KIAA1217: variants seen among roughly 807,000 people sequenced by gnomAD.
KIAA1217 encodes the protein KIAA1217.
Under a neutral mutation model 163.9 loss-of-function variants are expected in KIAA1217, and 88 were observed. The observed-to-expected ratio is 0.54, with a 90% confidence interval of 0.45 to 0.64. The LOEUF is 0.64. KIAA1217 is among the 30% of genes least tolerant of loss of function. KIAA1217 has a pLI of 0.00. For synonymous variants in KIAA1217, 903 were observed against 923.1 expected (o/e 0.98, Z 0.39); for missense variants, 2,372 against 2,475.0 (o/e 0.96, Z 0.88).
intron 1 of KIAA1217, among the ~76,000 whole-genome samples, chr10:23,886,662 T>C (rs1841188950): frequency 6.6e-6 from 1 of 151,988 alleles, no homozygotes; most frequent in African/African-American, 2.4e-5. Context: ...CAGGTTGAGG[T>C]TGATTTTTGC....
At chr10:23,943,582 A>G (rs1262560631) in intron 1 of KIAA1217, among the ~76,000 whole-genome samples, 2 of 152,236 alleles carry the variant, frequency 1.3e-5, no homozygotes, top group Non-Finnish European at 2.9e-5. Context: ...TTTGATTGAA[A>G]CTGCAACAGG....
intron 1 of KIAA1217, among the ~76,000 whole-genome samples, chr10:23,751,784 G>C (rs773821428): frequency 1.3e-5 from 2 of 152,136 alleles, no homozygotes; most frequent in Non-Finnish European, 2.9e-5. Context: ...GGGGCTTCTT[G>C]TGAGATTATC....
chr10:24,456,443 A>G (rs115538234), intron 5 of KIAA1217, among the ~76,000 whole-genome samples: 1,835 of 152,286 alleles, frequency 0.012, 37 homozygotes, highest in African/African-American at 0.042. Context: ...TGACACAACA[A>G]TGATGGAACT....
intron 1 of KIAA1217, among the ~76,000 whole-genome samples, chr10:23,946,186 T>A (rs773297543): frequency 6.6e-6 from 1 of 151,638 alleles, no homozygotes; most frequent in Non-Finnish European, 1.5e-5. Context: ...CACTTTCTTC[T>A]GGCAGCTTCC....
At chr10:24,391,996 G>C (rs1057501633) in intron 3 of KIAA1217, among the ~76,000 whole-genome samples, 8 of 152,154 alleles carry the variant, frequency 5.3e-5, no homozygotes, top group African/African-American at 1.9e-4. Context: ...TTTTATCTAT[G>C]ATTTATACCT....
chr10:24,435,748 A>C (rs1330633754), intron 4 of KIAA1217, among the ~76,000 whole-genome samples: 4 of 152,226 alleles, frequency 2.6e-5, no homozygotes, highest in Non-Finnish European at 4.4e-5. Flanking sequence ...AGAAAAGGTC[A>C]TGATTCTCCT....
At chr10:23,741,475 T>G (rs1645608531) in intron 1 of KIAA1217, among the ~76,000 whole-genome samples, 1 of 152,194 alleles carries the variant, frequency 6.6e-6, no homozygotes, top group Admixed American at 6.5e-5. Flanking sequence ...ATCCTTCAGG[T>G]CAAGGCAAGG....
At chr10:24,009,922 G>T (rs559846611) in intron 2 of KIAA1217, among the ~76,000 whole-genome samples, 28 of 152,122 alleles carry the variant, frequency 1.8e-4, no homozygotes, top group African/African-American at 6.5e-4. Flanking sequence ...ATCTGTATGG[G>T]GGCTCTGTCC....
chr10:24,363,903 A>G (rs891271774), intron 2 of KIAA1217, among the ~76,000 whole-genome samples: 16 of 151,202 alleles, frequency 1.1e-4, no homozygotes, highest in African/African-American at 3.9e-4. Context: ...ACCTCTTTAT[A>G]TGTGATAAAC....
intron 2 of KIAA1217, among the ~76,000 whole-genome samples, chr10:24,360,486 G>A (rs220348): frequency 0.25 from 37,285 of 151,994 alleles, 4,741 homozygotes; most frequent in South Asian, 0.36. Flanking sequence ...CCCTTCTATC[G>A]TGGGCTTTAA....
intron 1 of KIAA1217, among the ~76,000 whole-genome samples, chr10:23,848,852 T>C (rs965195498): frequency 2.0e-5 from 3 of 152,132 alleles, no homozygotes; most frequent in African/African-American, 7.2e-5. Flanking sequence ...AATAAAATGT[T>C]GACATTGTGA....
At chr10:24,406,467 G>T (rs945508096) in intron 3 of KIAA1217, among the ~76,000 whole-genome samples, 2 of 151,930 alleles carry the variant, frequency 1.3e-5, no homozygotes, top group Non-Finnish European at 2.9e-5. Context: ...AGAAAAAGGT[G>T]CTAGGGCTTA....
In KIAA1217 at chr10:24,110,503, C is replaced by T. The variant is rs571209268; in HGVS notation, c.-171+103129C>T. Among the ~76,000 whole-genome samples, 32 of 151,250 alleles carry T rather than the reference C, an allele frequency of 2.1e-4. No individual in the cohort carries two copies. The South Asian group carries it at 6.7e-3, about 32-fold the overall frequency. On this transcript the variant is annotated intron_variant, in intron 2 of 18. Transcript: ENST00000376462. ...ATGAAATGTTGCAGTTATGTGGCTACAGAAGAAAAATGTATTCAGATTAAG... is the reference window on the plus strand; with the variant it reads ...ATGAAATGTTGCAGTTATGTGGCTATAGAAGAAAAATGTATTCAGATTAAG...
intron 1 of KIAA1217, among the ~76,000 whole-genome samples, chr10:23,950,741 G>C (rs1287730692): frequency 6.6e-6 from 1 of 152,068 alleles, no homozygotes; most frequent in Non-Finnish European, 1.5e-5. Context: ...TGACATTAGA[G>C]ACGGTTTATC....
At chr10:24,231,406 C>T (rs557045996) in intron 2 of KIAA1217, among the ~76,000 whole-genome samples, 9 of 152,324 alleles carry the variant, frequency 5.9e-5, no homozygotes, top group Admixed American at 5.9e-4. Flanking sequence ...ATTTTCAGAG[C>T]AAGCACTGCA....
chr10:24,053,033 C>A (rs570626641), intron 2 of KIAA1217, among the ~76,000 whole-genome samples: 2 of 152,242 alleles, frequency 1.3e-5, no homozygotes, highest in South Asian at 2.1e-4. Flanking sequence ...ATTATGGTTT[C>A]TCAAGTTAAT....
rs371200878 is a variant in KIAA1217, at chr10:24,513,748, C to T, written c.2177+314C>T. On this transcript the variant is annotated intron_variant, in intron 10 of 20. Coordinates refer to ENST00000376454, the MANE Select transcript of KIAA1217 (RefSeq NM_019590.5). Reference sequence around the variant, plus strand: ...GGAGGATTGCTTGAGTCCAGGAGTTCGAGACCAGCCTGGGTAACACAGGGA... The same window carrying T: ...GGAGGATTGCTTGAGTCCAGGAGTTTGAGACCAGCCTGGGTAACACAGGGA... Among the ~76,000 whole-genome samples the T allele has an allele frequency of 5.5e-4, 81 of 148,256 alleles. 1 individual carries two copies. Among genetic ancestry groups the T allele is most frequent in the Non-Finnish European group, 9.2e-4 (62 of 67,534 alleles).
chr10:24,384,193 G>C (rs1013885265), intron 3 of KIAA1217, among the ~76,000 whole-genome samples: 1 of 152,172 alleles, frequency 6.6e-6, no homozygotes, highest in Non-Finnish European at 1.5e-5. Context: ...TCTGTATGTT[G>C]TCACTTTATC....
At chr10:24,447,902 C>T (rs1271750524) in intron 5 of KIAA1217, among the ~76,000 whole-genome samples, 2 of 152,034 alleles carry the variant, frequency 1.3e-5, no homozygotes, top group African/African-American at 4.8e-5. Flanking sequence ...GAGGCTGAGG[C>T]GGGCAGATCA....
Sources: gnomAD v4.1 joint callset for allele counts (sites outside exome capture counted in the v4.1 genomes callset) on GRCh38, gnomAD v4.1.1 for gene constraint, MANE v1.5 for transcripts, NCBI Gene and HGNC (gene_info 2026-07-23, HGNC 2026-07-21) for gene names.